The following EPB41L3 variants were observed in gnomAD, a reference collection of about 807,000 sequenced individuals.
The protein encoded by EPB41L3 is band 4.1-like protein 3.
EPB41L3 carries 57 observed loss-of-function variants against 127.1 expected under a neutral mutation model. The observed-to-expected ratio is 0.45, with a 90% confidence interval of 0.36 to 0.56. The LOEUF (loss-of-function observed/expected upper bound fraction) is 0.56. EPB41L3 is among the 20% of genes least tolerant of loss of function. The probability of loss-of-function intolerance (pLI) is 0.00; values close to 1 mark genes in which losing one functional copy is unlikely to be tolerated. For synonymous variants in EPB41L3, 572 were observed against 549.5 expected, an observed-to-expected ratio of 1.04 and a Z score of -0.57; for missense variants, 1,273 against 1,372.2, an observed-to-expected ratio of 0.93 and a Z score of 1.14.
At chr18:5,463,198 T>G (rs562699285) in intron 3 of EPB41L3, among the ~76,000 whole-genome samples, 10 of 152,226 alleles carry the variant, frequency 6.6e-5, no homozygotes, top group Non-Finnish European at 1.3e-4. Flanking sequence ...CCCTGTTCTA[T>G]TCTCTTAGCC....
chr18:5,420,933 A>ATATCTCTT lies in EPB41L3; in HGVS notation c.1340-1057_1340-1056insAAGAGATA, dbSNP rs879914520. On this transcript the variant is annotated intron_variant, in intron 11 of 22. Transcript: ENST00000341928. ...GTCACTAAAATATCTTCACTAAGAC[A>ATATCTCTT]TTTTATATCTCTTTACACCGTTGAA... Among the ~76,000 whole-genome samples the ATATCTCTT allele has an allele frequency of 3.9e-3, 587 of 152,314 alleles. 9 individuals are homozygous for ATATCTCTT. The highest frequency in any genetic ancestry group is 0.032 in the Admixed American group (484 of 15,300).
rs753488759 is a variant in EPB41L3, at chr18:5,438,120, T to C, written c.530-10A>G. 17 of 1,611,974 alleles carry C rather than the reference T, an allele frequency of 1.1e-5. No homozygotes were observed. The highest frequency in any genetic ancestry group is 1.4e-5 in the Non-Finnish European group (17 of 1,179,396). ...AAGTGCCAAGCACCACCTGCAAGGA[T>C]GGAAAAAAATTAGAGTAAAACCTTG... On this transcript the variant is annotated splice_polypyrimidine_tract_variant and intron_variant, in intron 5 of 22. Transcript: ENST00000341928.
chr18:5,423,062 A>T (rs1356937589), intron 11 of EPB41L3, among the ~76,000 whole-genome samples: 2 of 152,208 alleles, frequency 1.3e-5, no homozygotes, highest in East Asian at 3.9e-4. Flanking sequence ...ATCAAATCAC[A>T]GAGTATGTGA....
At position 5,472,040 on chromosome 18, in the gene EPB41L3, G is replaced by C. The variant is rs186364938; in HGVS notation, c.381+6201C>G. Among the ~76,000 whole-genome samples, 42 of 152,060 alleles carry C rather than the reference G, an allele frequency of 2.8e-4. No individual in the cohort carries two copies. The East Asian group carries it at 7.0e-3, about 25-fold the overall frequency. On this transcript the variant is annotated intron_variant, in intron 3 of 22. Transcript: ENST00000341928. ...AGGACTCCTACTGTTTATATTTCTT[G>C]ATATATACACTCACATTTTTAATAT...
rs761357666 is a variant in EPB41L3, at chr18:5,478,352, T to C, written c.270A>G (p.Lys90=). The C allele has an allele frequency of 6.2e-7, 1 of 1,614,182 alleles. No homozygotes were observed. Among genetic ancestry groups the C allele is most frequent in the Non-Finnish European group, 8.5e-7 (1 of 1,180,024 alleles). Residue 90 remains lysine (K), a synonymous_variant, in exon 3 of 23, where the codon AAA becomes AAG. Coordinates refer to ENST00000341928, the MANE Select transcript of EPB41L3 (RefSeq NM_012307.5). ...QQLEDDKLSQ[K]SSSSKLSRSP... is the part of the protein sequence containing the mutation. ...ACCGAGAGAGTTTACTGCTAGATGA[T>C]TTCTGAGAAAGTTTATCGTCTTCTA...
intron 3 of EPB41L3, among the ~76,000 whole-genome samples, chr18:5,454,201 GTTTCCTTGTTTTTTTTTTT>G (rs1007829566): frequency 8.6e-5 from 11 of 127,196 alleles, no homozygotes; most frequent in Non-Finnish European, 1.9e-4. Flanking sequence ...TTTTTTTTTT[GTTTCCTTGTTTTTTTTTTT>G]TTTTTTTAAT....
chr18:5,561,890 G>A (rs1162530962), intron 3 of EPB41L3, among the ~76,000 whole-genome samples: 1 of 152,164 alleles, frequency 6.6e-6, no homozygotes, highest in Non-Finnish European at 1.5e-5. Context: ...TTCCCAAGAT[G>A]CATACCCTCA....
At chr18:5,537,107 C>A (rs2093597560) in intron 1 of EPB41L3, among the ~76,000 whole-genome samples, 1 of 152,100 alleles carries the variant, frequency 6.6e-6, no homozygotes, top group South Asian at 2.1e-4. Flanking sequence ...AGAACCATGC[C>A]ACATAGTTAT....
intron 1 of EPB41L3, among the ~76,000 whole-genome samples, chr18:5,541,463 T>C (rs1051389760): frequency 6.6e-5 from 10 of 151,802 alleles, no homozygotes; most frequent in Non-Finnish European, 1.5e-4. Context: ...TACAGCAAGT[T>C]CCTGCCACAC....
chr18:5,499,916 C>T (rs981789225), intron 1 of EPB41L3, among the ~76,000 whole-genome samples: 2 of 151,016 alleles, frequency 1.3e-5, no homozygotes, highest in African/African-American at 4.9e-5. Context: ...AAGATCCTGT[C>T]ATTCTGTCAC....
intron 3 of EPB41L3, among the ~76,000 whole-genome samples, chr18:5,592,978 A>G (rs1272310003): frequency 6.6e-6 from 1 of 152,180 alleles, no homozygotes; most frequent in Non-Finnish European, 1.5e-5. Flanking sequence ...CCCGAACATG[A>G]CAGCTATGCA....
chr18:5,435,404 C>A (rs1412586369), intron 6 of EPB41L3, among the ~76,000 whole-genome samples: 2 of 152,030 alleles, frequency 1.3e-5, no homozygotes, highest in Non-Finnish European at 2.9e-5. Context: ...TGGTAAGTGG[C>A]CTACACAGGT....
intron 3 of EPB41L3, among the ~76,000 whole-genome samples, chr18:5,569,898 A>G (rs2094255386): frequency 6.6e-6 from 1 of 152,188 alleles, no homozygotes; most frequent in African/African-American, 2.4e-5. Flanking sequence ...TGTGTAGTCA[A>G]TGCTGTTTTC....
At chr18:5,545,913 GTGTGTA>G (rs2093873740), upstream of EPB41L3, among the ~76,000 whole-genome samples, 2 of 131,098 alleles carry the variant, frequency 1.5e-5, no homozygotes, top group South Asian at 2.4e-4. Context: ...GTGTGTGTGT[GTGTGTA>G]GCACATAAGG....
chr18:5,593,581 C>T (rs1276548739), intron 3 of EPB41L3, among the ~76,000 whole-genome samples: 2 of 152,154 alleles, frequency 1.3e-5, no homozygotes, highest in African/African-American at 4.8e-5. Context: ...AAGTTTCAGG[C>T]ACCATTGTCA....
At chr18:5,398,591 G>A in intron 16 of EPB41L3, 1 of 402,068 alleles carries the variant, frequency 2.5e-6, no homozygotes, top group Non-Finnish European at 4.4e-6. Context: ...GAAGGGGACT[G>A]CCTCAAAAAC....
intron 2 of EPB41L3, among the ~76,000 whole-genome samples, chr18:5,483,343 T>C (rs1449853081): frequency 6.6e-6 from 1 of 152,028 alleles, no homozygotes; most frequent in Non-Finnish European, 1.5e-5. Context: ...AAACCTATAA[T>C]AGATCCACTA....
intron 4 of EPB41L3, among the ~76,000 whole-genome samples, chr18:5,444,737 A>C (rs2081247549): frequency 6.6e-6 from 1 of 152,344 alleles, no homozygotes; most frequent in South Asian, 2.1e-4. Context: ...TTTATGGGTT[A>C]CAATCATAAT....
intron 1 of EPB41L3, among the ~76,000 whole-genome samples, chr18:5,528,798 A>G (rs1463677908): frequency 1.3e-5 from 2 of 151,860 alleles, no homozygotes; most frequent in African/African-American, 4.8e-5. Context: ...GGGTTTCACC[A>G]TGTTGGCCAG....
Sources: gnomAD v4.1 joint callset for allele counts (sites outside exome capture counted in the v4.1 genomes callset) on GRCh38, gnomAD v4.1.1 for gene constraint, MANE v1.5 for transcripts, NCBI Gene and HGNC (gene_info 2026-07-23, HGNC 2026-07-21) for gene names.